The following DTNA variants were observed in gnomAD, a reference collection of about 807,000 sequenced individuals.
DTNA encodes the protein dystrobrevin alpha, also known as dystrophin-related protein 3.
Under a neutral mutation model 100.7 loss-of-function variants are expected in DTNA, and 43 were observed. The observed-to-expected ratio is 0.43, with a 90% CI of 0.33 to 0.55. DTNA has a LOEUF of 0.55. Among genes scored for constraint, DTNA ranks in the 20% least tolerant of loss-of-function variants. The probability of loss-of-function intolerance (pLI) is 0.04; values close to 1 mark genes in which losing one functional copy is unlikely to be tolerated. For synonymous variants in DTNA, 349 were observed against 347.9 expected (o/e 1.00, Z -0.04); for missense variants, 798 against 953.9 (o/e 0.84, Z 2.15).
At chr18:34,799,656 A>G (rs1212356612) in intron 4 of DTNA, among the ~76,000 whole-genome samples, 1 of 152,214 alleles carries the variant, frequency 6.6e-6, no homozygotes, top group Non-Finnish European at 1.5e-5. Context: ...TCTACTAACT[A>G]AAATCTTGTT....
intron 1 of DTNA, among the ~76,000 whole-genome samples, chr18:34,553,627 T>G (rs998479583): frequency 6.6e-6 from 1 of 152,162 alleles, no homozygotes; most frequent in African/African-American, 2.4e-5. Context: ...CACCATTTAT[T>G]AAATAGGGAA....
chr18:34,839,391 G>C (rs1366661960), intron 13 of DTNA, among the ~76,000 whole-genome samples: 2 of 152,044 alleles, frequency 1.3e-5, no homozygotes, highest in East Asian at 3.8e-4. Flanking sequence ...TTCACATCTT[G>C]GAATACACAA....
intron 13 of DTNA, among the ~76,000 whole-genome samples, chr18:34,839,081 T>C (rs2096214925): frequency 6.6e-6 from 1 of 152,206 alleles, no homozygotes; most frequent in African/African-American, 2.4e-5. Flanking sequence ...GATGCCTTGC[T>C]AAATATTAGC....
chr18:34,665,470 T>C (rs1048473055), intron 1 of DTNA, among the ~76,000 whole-genome samples: 5 of 152,252 alleles, frequency 3.3e-5, no homozygotes, highest in African/African-American at 9.6e-5. Context: ...ATGTGCACAA[T>C]GTGCAGGTTT....
At chr18:34,791,122 C>G (rs985570713) in intron 3 of DTNA, among the ~76,000 whole-genome samples, 5 of 152,144 alleles carry the variant, frequency 3.3e-5, no homozygotes, top group African/African-American at 1.2e-4. Flanking sequence ...TGTGGTCACT[C>G]CCATGGGCCT....
At chr18:34,713,195 T>A (rs1412425949) in intron 1 of DTNA, among the ~76,000 whole-genome samples, 2 of 152,106 alleles carry the variant, frequency 1.3e-5, no homozygotes, top group African/African-American at 4.8e-5. Flanking sequence ...ATTTGGAGAA[T>A]AAGATAGATT....
At chr18:34,709,226 C>T (rs1166232725), upstream of DTNA, 1 of 152,168 alleles carries the variant, frequency 6.6e-6, no homozygotes, top group Non-Finnish European at 1.5e-5. Context: ...ATGAGTAAGA[C>T]AATGTTCCTG....
intron 1 of DTNA, among the ~76,000 whole-genome samples, chr18:34,602,846 T>C (rs1439748463): frequency 6.6e-6 from 1 of 150,772 alleles, no homozygotes; most frequent in Non-Finnish European, 1.5e-5. Context: ...CTACTAAAAA[T>C]AAAAAAATCA....
chr18:34,867,904 G>GC, intron 17 of DTNA: 1 of 985,350 alleles, frequency 1.0e-6, no homozygotes, highest in South Asian at 4.7e-5. Context: ...AAGGACCAGG[G>GC]CCCACGTCAC....
intron 1 of DTNA, among the ~76,000 whole-genome samples, chr18:34,508,225 CATT>C (rs949890211): frequency 3.5e-4 from 53 of 152,256 alleles, no homozygotes; most frequent in African/African-American, 1.2e-3. Flanking sequence ...TGACACCCAT[CATT>C]AGGTATTTGG....
intron 6 of DTNA, chr18:34,815,628 A>G (rs1261159211): frequency 2.7e-6 from 1 of 373,794 alleles, no homozygotes; most frequent in Non-Finnish European, 5.1e-6. Context: ...ACTGTCTTTC[A>G]TATATACAAA....
intron 16 of DTNA, among the ~76,000 whole-genome samples, chr18:34,859,717 G>A (rs146192949): frequency 0.011 from 1,609 of 151,726 alleles, 22 homozygotes; most frequent in African/African-American, 0.038. Context: ...CCTTAGTTTC[G>A]CTGCCTCCAG....
At chr18:34,757,209 A>G (rs2092834524) in intron 2 of DTNA, 1 of 152,232 alleles carries the variant, frequency 6.6e-6, no homozygotes, top group South Asian at 2.1e-4. Context: ...CCAATTTCCT[A>G]GACCCCATGT....
chr18:34,608,747 A>G (rs1049865684), intron 1 of DTNA, among the ~76,000 whole-genome samples: 3 of 152,092 alleles, frequency 2.0e-5, no homozygotes, highest in African/African-American at 7.2e-5. Context: ...CAGAATGTCA[A>G]CTCTGCTGCC....
intron 1 of DTNA, among the ~76,000 whole-genome samples, chr18:34,650,163 T>C (rs2060280585): frequency 6.6e-6 from 1 of 152,208 alleles, no homozygotes; most frequent in African/African-American, 2.4e-5. Flanking sequence ...AGCAGATCTC[T>C]GATTACACTG....
chr18:34,829,085 C>T, intron 10 of DTNA: 1 of 1,614,106 alleles, frequency 6.2e-7, no homozygotes, highest in Non-Finnish European at 8.5e-7. Flanking sequence ...GATAACATGA[C>T]TTCTTCTACC....
intron 1 of DTNA, among the ~76,000 whole-genome samples, chr18:34,677,570 C>T (rs987086903): frequency 6.6e-6 from 1 of 151,972 alleles, no homozygotes; most frequent in African/African-American, 2.4e-5. Flanking sequence ...AGATTATATG[C>T]GATTTTCATT....
intron 1 of DTNA, among the ~76,000 whole-genome samples, chr18:34,666,279 T>C (rs1251604941): frequency 6.6e-6 from 1 of 152,114 alleles, no homozygotes; most frequent in South Asian, 2.1e-4. Flanking sequence ...GTTTTTTTTT[T>C]CTTGTAAATT....
intron 19 of DTNA, among the ~76,000 whole-genome samples, chr18:34,879,298 T>C (rs1157712878): frequency 1.3e-5 from 2 of 152,214 alleles, no homozygotes; most frequent in Non-Finnish European, 2.9e-5. Context: ...AAGAGTTAAG[T>C]CAGTTACTAA....
Sources: gnomAD v4.1 joint callset for allele counts (sites outside exome capture counted in the v4.1 genomes callset) on GRCh38, gnomAD v4.1.1 for gene constraint, MANE v1.5 for transcripts, NCBI Gene and HGNC (gene_info 2026-07-23, HGNC 2026-07-21) for gene names.